Variants in TRDMT1 observed in about 807,000 individuals in gnomAD.
The protein encoded by TRDMT1 is tRNA aspartic acid methyltransferase 1, also known as tRNA (cytosine(38)-C(5))-methyltransferase.
Under a neutral mutation model 51.2 loss-of-function variants are expected in TRDMT1, and 49 were observed. The observed-to-expected ratio is 0.96, with a 90% CI of 0.76 to 1.21. TRDMT1 has a LOEUF of 1.21. Ranked by LOEUF, TRDMT1 falls within the 50% of genes most tolerant of loss-of-function variation. The pLI is 0.00. For synonymous variants in TRDMT1, 187 were observed against 164.6 expected (o/e 1.14, Z -1.04); for missense variants, 534 against 462.3 (o/e 1.16, Z -1.42).
At chr10:17,192,647 A>G (rs1035528785) in intron 1 of TRDMT1, among the ~76,000 whole-genome samples, 1 of 152,130 alleles carries the variant, frequency 6.6e-6, no homozygotes, top group Non-Finnish European at 1.5e-5. Context: ...GCCCAAATAT[A>G]AATACATATG....
chr10:17,143,454 C>T lies in TRDMT1; in HGVS notation c.*5586G>A. The T allele has an allele frequency of 1.0e-6, 1 of 985,444 alleles. No individual in the cohort carries two copies. The highest frequency in any genetic ancestry group is 1.2e-6 in the Non-Finnish European group (1 of 829,922). The allele number at this position is 985,444 out of a possible 1,614,324, so 61.0% of individuals were successfully genotyped here. A position where few individuals can be genotyped will look rare whatever the true frequency, so the allele number is the denominator to read the frequency against. On this transcript the variant is annotated 3_prime_UTR_variant, in exon 11 of 11. Coordinates refer to ENST00000377799, the MANE Select transcript of TRDMT1 (RefSeq NM_004412.7). ...TGAAAGTCAACTCATTTCTACTACACAAGGAGTATCACATTCCATTCAGTG... is the reference window on the plus strand; with the variant it reads ...TGAAAGTCAACTCATTTCTACTACATAAGGAGTATCACATTCCATTCAGTG...
rs886984462 is a variant in TRDMT1 at position 17,138,774 on chromosome 10, G to A, written c.*10266C>T. 6.6e-6 allele frequency among the ~76,000 whole-genome samples: 1 copy of A among 151,210 alleles called. No homozygotes were observed. The highest frequency in any genetic ancestry group is 1.5e-5 in the Non-Finnish European group (1 of 67,874). On this transcript the variant is annotated 3_prime_UTR_variant, in exon 11 of 11. Coordinates refer to ENST00000377799, the MANE Select transcript of TRDMT1 (RefSeq NM_004412.7). ...ACTTTTTTCAAGTTTTTTTTTTTAA[G>A]TAATATAATCCCTTCATAAACAATG...
intron 10 of TRDMT1, 158 bp downstream of exon 10, chr10:17,153,349 G>T: frequency 1.2e-6 from 1 of 803,554 alleles, no homozygotes; most frequent in Non-Finnish European, 1.9e-6. Flanking sequence ...GCAGTTATGA[G>T]GGGAAAGAGG....
Position 17,148,943 on chromosome 10 carries a change from G to T in TRDMT1, c.*97C>A, listed in dbSNP as rs1838347304. 22 of 1,391,944 alleles carry T rather than the reference G, an allele frequency of 1.6e-5. No homozygotes were observed. The highest frequency in any genetic ancestry group is 2.1e-5 in the Non-Finnish European group (22 of 1,065,702). 86.2% of individuals were successfully genotyped at this position (1,391,944 alleles called of 1,614,324 possible). On this transcript the variant is annotated 3_prime_UTR_variant, in exon 11 of 11. Coordinates refer to ENST00000377799, the MANE Select transcript of TRDMT1 (RefSeq NM_004412.7). ...AATAAGGACAGATTAAAATAATTTAGTTAAATTTCACCAGAATTAGTTCAA... is the reference window on the plus strand; with the variant it reads ...AATAAGGACAGATTAAAATAATTTATTTAAATTTCACCAGAATTAGTTCAA...
At chr10:17,188,540 G>C (rs74117738) in intron 1 of TRDMT1, among the ~76,000 whole-genome samples, 3,716 of 152,200 alleles carry the variant, frequency 0.024, 137 homozygotes, top group African/African-American at 0.082. Context: ...ACAAGGAGAA[G>C]CCTCCAACAT....
intron 10 of TRDMT1, chr10:17,151,626 C>T (rs1019659445): frequency 1.0e-6 from 1 of 983,396 alleles, no homozygotes; most frequent in African/African-American, 1.8e-5. Context: ...ATTTCAAAGG[C>T]TGTTTTTCTA....
Position 17,153,651 on chromosome 10 carries a change from C to A in TRDMT1, c.946-15G>T, listed in dbSNP as rs569873907. Reference sequence around the variant, plus strand: ...ATATTCTCAACCTGTAAGAAAATACCCAAGATAACTAAAAAAGTAATGTGC... The same window carrying A: ...ATATTCTCAACCTGTAAGAAAATACACAAGATAACTAAAAAAGTAATGTGC... On this transcript the variant is annotated splice_polypyrimidine_tract_variant and intron_variant, in intron 9 of 10. Coordinates refer to ENST00000377799, the MANE Select transcript of TRDMT1 (RefSeq NM_004412.7). 13 of 1,549,712 alleles carry A rather than the reference C, an allele frequency of 8.4e-6. No homozygotes were observed. The highest frequency in any genetic ancestry group is 1.1e-5 in the Non-Finnish European group (13 of 1,150,706).
At position 17,143,570 on chromosome 10, in the gene TRDMT1, C is replaced by T. The variant is rs12248293; in HGVS notation, c.*5470G>A. ...AAAATAGCAAATATTTTAGTAAAAA[C>T]GACATTCATGCTGGATTAAATTTAG... On this transcript the variant is annotated 3_prime_UTR_variant, in exon 11 of 11. Transcript: ENST00000377799. The T allele has an allele frequency of 5.8e-3, 5,743 of 985,310 alleles. 214 individuals are homozygous for T. The African/African-American group carries it at 0.084, about 14-fold the overall frequency. The allele number at this position is 985,310 out of a possible 1,614,324, so 61.0% of individuals were successfully genotyped here.
chr10:17,160,417 C>A, intron 5 of TRDMT1, 43 bp from the exon 6 acceptor site: 3 of 1,314,368 alleles, frequency 2.3e-6, no homozygotes, highest in South Asian at 1.5e-5. Context: ...CTTGGAAAGG[C>A]AGTTCTTATT....
chr10:17,147,160 CATTTT>C lies in TRDMT1; in HGVS notation c.*1875_*1879del. 2 of 985,446 alleles carry C rather than the reference CATTTT, an allele frequency of 2.0e-6. No homozygotes were observed. The highest frequency in any genetic ancestry group is 1.2e-6 in the Non-Finnish European group (1 of 829,630). 61.0% of individuals were successfully genotyped at this position (985,446 alleles called of 1,614,324 possible). Reference sequence around the variant, plus strand: ...TCATAGTTACAGTAAAACTCTAAACCATTTTATTTAGAATATTTCAGCAGTGAACA... The same window carrying C: ...TCATAGTTACAGTAAAACTCTAAACCATTTAGAATATTTCAGCAGTGAACA... On this transcript the variant is annotated 3_prime_UTR_variant, in exon 11 of 11. Transcript: ENST00000377799.
chr10:17,195,489 C>T (rs192063703), intron 1 of TRDMT1, among the ~76,000 whole-genome samples: 31 of 152,222 alleles, frequency 2.0e-4, no homozygotes, highest in Admixed American at 1.4e-3. Flanking sequence ...AAAAAACTAA[C>T]TGTGGGTACT....
chr10:17,144,458 T>C lies in TRDMT1; in HGVS notation c.*4582A>G. 1.0e-6 allele frequency: 1 copy of C among 985,682 alleles called. No individual in the cohort carries two copies. The highest frequency in any genetic ancestry group is 1.2e-6 in the Non-Finnish European group (1 of 829,914). The allele number at this position is 985,682 out of a possible 1,614,324, so 61.1% of individuals were successfully genotyped here. ...TTTTGTGAAAATTTCCGGTCTCATA[T>C]TTATAGGAAAAATGAGATTTTGGAA... On this transcript the variant is annotated 3_prime_UTR_variant, in exon 11 of 11. Coordinates refer to ENST00000377799, the MANE Select transcript of TRDMT1 (RefSeq NM_004412.7).
rs769048333 is a variant in TRDMT1 at position 17,201,619 on chromosome 10, C to G, written c.16G>C (p.Val6Leu). 8 of 1,546,010 alleles carry G rather than the reference C, an allele frequency of 5.2e-6. No homozygotes were observed. Among genetic ancestry groups the G allele is most frequent in the Non-Finnish European group, 7.0e-6 (8 of 1,145,054 alleles). Reference protein sequence around the residue: MEPLRVLELYSGVGGM... With the variant: MEPLRLLELYSGVGGM... Reference sequence around the variant, plus strand: ...CCCACGCCGCTGTATAGCTCCAGCACCCGCAGGGGCTCCATCCCCGCGCCT... The same window carrying G: ...CCCACGCCGCTGTATAGCTCCAGCAGCCGCAGGGGCTCCATCCCCGCGCCT... The change falls in exon 1 of 11, where the codon GTG becomes CTG. Residue 6 changes from valine to leucine, a missense_variant. Transcript: ENST00000377799.
intron 1 of TRDMT1, among the ~76,000 whole-genome samples, chr10:17,175,874 T>C (rs1326698592): frequency 6.6e-6 from 1 of 152,088 alleles, no homozygotes; most frequent in East Asian, 1.9e-4. Flanking sequence ...TGATACTAAA[T>C]GGCTGCTAGG....
chr10:17,167,083 T>C (rs1270590386), intron 3 of TRDMT1, among the ~76,000 whole-genome samples: 1 of 152,218 alleles, frequency 6.6e-6, no homozygotes, highest in Non-Finnish European at 1.5e-5. Flanking sequence ...TATAAGATAA[T>C]TTAAGATAAC....
At position 17,149,915 on chromosome 10, in the gene TRDMT1, G is replaced by C. The variant is rs949757932; in HGVS notation, c.1076-775C>G. Reference sequence around the variant, plus strand: ...ACATTTGGATTGTATCTACTTTTTTGGCTGTTGAGAATAATGCTGTTATGA... The same window carrying C: ...ACATTTGGATTGTATCTACTTTTTTCGCTGTTGAGAATAATGCTGTTATGA... On this transcript the variant is annotated intron_variant, in intron 10 of 10. Coordinates refer to ENST00000377799, the MANE Select transcript of TRDMT1 (RefSeq NM_004412.7). Among the ~76,000 whole-genome samples, 4 of 151,902 alleles carry C rather than the reference G, an allele frequency of 2.6e-5. No individual in the cohort carries two copies. In the South Asian group the frequency reaches 8.3e-4, roughly 32 times the overall value.
At chr10:17,152,095 C>A in intron 10 of TRDMT1, 1 of 1,296,794 alleles carries the variant, frequency 7.7e-7, no homozygotes, top group Non-Finnish European at 1.0e-6. Flanking sequence ...TGTCTGATTG[C>A]TCATCTGAAA....
At chr10:17,157,148 T>C (rs1164677829) in intron 8 of TRDMT1, among the ~76,000 whole-genome samples, 1 of 152,174 alleles carries the variant, frequency 6.6e-6, no homozygotes, top group Non-Finnish European at 1.5e-5. Context: ...TAGCAAGTAA[T>C]AGTCTACAGA....
At position 17,165,019 on chromosome 10, in the gene TRDMT1, A is replaced by C. The variant is rs529633426; in HGVS notation, c.252-2782T>G. Reference sequence around the variant, plus strand: ...TTCTTCACAGAATTGGAAAAAACCAATTTAAAGTTCATATGGAACCAAAAA... The same window carrying C: ...TTCTTCACAGAATTGGAAAAAACCACTTTAAAGTTCATATGGAACCAAAAA... On this transcript the variant is annotated intron_variant, in intron 3 of 10. Transcript: ENST00000377799. Among the ~76,000 whole-genome samples, 415 of 152,228 alleles carry C rather than the reference A, an allele frequency of 2.7e-3. 1 individual carries two copies. The highest frequency in any genetic ancestry group is 0.01 in the Middle Eastern group (3 of 294).
Sources: allele counts gnomAD v4.1 joint callset (sites outside exome capture counted in the v4.1 genomes callset), GRCh38; gene constraint gnomAD v4.1.1; transcripts MANE v1.5; gene names NCBI Gene and HGNC (gene_info 2026-07-23, HGNC 2026-07-21).